The following LEKR1 variants were observed in gnomAD, a reference collection of about 807,000 sequenced individuals.
The protein encoded by LEKR1 is protein LEKR1.
A neutral mutation model predicts 72.4 loss-of-function variants in LEKR1; 59 were observed. The observed-to-expected ratio is 0.82, with a 90% CI of 0.66 to 1.01. LEKR1 has a LOEUF of 1.01. Among genes scored for constraint, LEKR1 ranks in the 50% least tolerant of loss-of-function variants. LEKR1 has a pLI of 0.00. For synonymous variants in LEKR1, 257 were observed against 263.2 expected (o/e 0.98, Z 0.23); for missense variants, 728 against 759.2 (o/e 0.96, Z 0.48).
chr3:156,904,700 T>A (rs1722369077), intron 3 of LEKR1, among the ~76,000 whole-genome samples: 2 of 151,688 alleles, frequency 1.3e-5, no homozygotes, highest in Non-Finnish European at 2.9e-5. Context: ...GGTCTCGCTA[T>A]GTTGCCCAGG....
intron 5 of LEKR1, among the ~76,000 whole-genome samples, chr3:156,938,674 AT>A (rs1725936586): frequency 6.6e-6 from 1 of 152,278 alleles, no homozygotes; most frequent in Non-Finnish European, 1.5e-5. Flanking sequence ...GCACCCAGCC[AT>A]TTTTAGTTTA....
chr3:156,889,776 C>A (rs1720472902), intron 3 of LEKR1, among the ~76,000 whole-genome samples: 1 of 152,184 alleles, frequency 6.6e-6, no homozygotes, highest in African/African-American at 2.4e-5. Flanking sequence ...ATGAATCCCT[C>A]TTAAGCATCT....
At chr3:156,881,366 A>G (rs1473952946) in intron 3 of LEKR1, among the ~76,000 whole-genome samples, 1 of 152,122 alleles carries the variant, frequency 6.6e-6, no homozygotes, top group Non-Finnish European at 1.5e-5. Flanking sequence ...ACAGACAAAC[A>G]GAGAGCCAAA....
intron 9 of LEKR1, among the ~76,000 whole-genome samples, chr3:157,007,126 C>T (rs1254367471): frequency 3.3e-5 from 5 of 152,052 alleles, no homozygotes; most frequent in Non-Finnish European, 7.4e-5. Context: ...GGCGTGAACC[C>T]GGGAGGCGGA....
chr3:156,950,608 G>A (rs1560102894), intron 6 of LEKR1, among the ~76,000 whole-genome samples: 2 of 151,478 alleles, frequency 1.3e-5, no homozygotes, highest in African/African-American at 4.8e-5. Flanking sequence ...GTGTGTGTGT[G>A]TATGTGTGTG....
intron 5 of LEKR1, among the ~76,000 whole-genome samples, chr3:156,938,214 A>G (rs1421560507): frequency 6.6e-6 from 1 of 152,172 alleles, no homozygotes; most frequent in Non-Finnish European, 1.5e-5. Flanking sequence ...GGATTTTACC[A>G]ATGCAATTTT....
intron 3 of LEKR1, among the ~76,000 whole-genome samples, chr3:156,903,779 TCTACTG>T (rs1369953843): frequency 2.0e-5 from 3 of 152,212 alleles, no homozygotes; most frequent in Non-Finnish European, 4.4e-5. Flanking sequence ...ACTTCTTACA[TCTACTG>T]CTACCTGAAA....
chr3:156,848,384 A>G (rs1260283826), intron 2 of LEKR1, among the ~76,000 whole-genome samples: 3 of 152,166 alleles, frequency 2.0e-5, no homozygotes, highest in Non-Finnish European at 4.4e-5. Context: ...GATTTAGAAT[A>G]TATTATGAAA....
At chr3:156,884,639 A>C (rs528737980) in intron 3 of LEKR1, among the ~76,000 whole-genome samples, 1 of 152,360 alleles carries the variant, frequency 6.6e-6, no homozygotes, top group East Asian at 1.9e-4. Flanking sequence ...GTTTCTGCTT[A>C]GAAGTCTGCT....
chr3:156,849,478 G>A (rs1715061991), intron 2 of LEKR1, among the ~76,000 whole-genome samples: 1 of 152,122 alleles, frequency 6.6e-6, no homozygotes, highest in African/African-American at 2.4e-5. Flanking sequence ...GAACAAAGCT[G>A]GAGGCATCAC....
intron 3 of LEKR1, among the ~76,000 whole-genome samples, chr3:156,876,297 T>C (rs1275246156): frequency 6.6e-6 from 1 of 152,210 alleles, no homozygotes; most frequent in Non-Finnish European, 1.5e-5. Context: ...TTGCCTAGAC[T>C]GGCTTTAGCT....
intron 3 of LEKR1, among the ~76,000 whole-genome samples, chr3:156,911,501 A>T (rs1410535387): frequency 6.6e-6 from 1 of 151,884 alleles, no homozygotes; most frequent in Non-Finnish European, 1.5e-5. Flanking sequence ...GAAGCTCTTT[A>T]GTTTAGTTAG....
At chr3:156,879,001 G>A (rs1268125405) in intron 3 of LEKR1, among the ~76,000 whole-genome samples, 5 of 151,964 alleles carry the variant, frequency 3.3e-5, no homozygotes, top group Admixed American at 6.6e-5. Context: ...ATACAGTCTC[G>A]GGTATGTCTT....
At chr3:156,988,212 C>T in intron 7 of LEKR1, 1 of 199,838 alleles carries the variant, frequency 5.0e-6, no homozygotes, top group Non-Finnish European at 1.1e-5. Flanking sequence ...CAAAGCGCTG[C>T]CACCAACAGA....
chr3:156,856,798 A>G (rs1162397445), intron 3 of LEKR1, among the ~76,000 whole-genome samples: 1 of 152,004 alleles, frequency 6.6e-6, no homozygotes, highest in African/African-American at 2.4e-5. Flanking sequence ...ATTTTCTTGA[A>G]TATTTGTTAT....
chr3:156,850,664 A>C, intron 2 of LEKR1, among the ~76,000 whole-genome samples: 1 of 152,192 alleles, frequency 6.6e-6, no homozygotes, highest in Non-Finnish European at 1.5e-5. Flanking sequence ...AAGTGCCTGA[A>C]TCTTCAACAA....
intron 6 of LEKR1, among the ~76,000 whole-genome samples, chr3:156,952,890 G>C (rs1727292663): frequency 6.6e-6 from 1 of 151,500 alleles, no homozygotes; most frequent in Non-Finnish European, 1.5e-5. Context: ...GAGAGAAAGA[G>C]AGAGACAGAG....
intron 6 of LEKR1, among the ~76,000 whole-genome samples, chr3:156,951,978 G>C (rs897571399): frequency 6.6e-6 from 1 of 151,442 alleles, no homozygotes; most frequent in Non-Finnish European, 1.5e-5. Context: ...TATAGTATAA[G>C]GAATGAACAA....
At chr3:156,852,623 A>G in intron 2 of LEKR1, 145 bp from the exon 3 acceptor site, 2 of 409,176 alleles carry the variant, frequency 4.9e-6, no homozygotes, top group East Asian at 3.5e-5. Flanking sequence ...TTTTTTATAC[A>G]AGTGTTAGCA....
Sources: allele counts gnomAD v4.1 joint callset (sites outside exome capture counted in the v4.1 genomes callset), GRCh38; gene constraint gnomAD v4.1.1; transcripts MANE v1.5; gene names NCBI Gene and HGNC (gene_info 2026-07-23, HGNC 2026-07-21).